The following RBMS3 variants were observed in gnomAD, a reference collection of about 807,000 sequenced individuals.
The protein encoded by RBMS3 is RNA-binding motif, single-stranded-interacting protein 3.
A neutral mutation model predicts 66.8 loss-of-function variants in RBMS3; 27 were observed. That is an observed-to-expected ratio of 0.40 (90% CI 0.30 to 0.56). The LOEUF is 0.56. Ranked by LOEUF, RBMS3 falls within the 20% of genes least tolerant of loss-of-function variation. RBMS3 has a pLI of 0.40. For missense variants in RBMS3, 513 were observed against 549.5 expected (o/e 0.93, Z 0.66); for synonymous variants, 188 against 183.0 (o/e 1.03, Z -0.22).
intron 6 of RBMS3, among the ~76,000 whole-genome samples, chr3:29,808,691 T>A (rs1014277777): frequency 1.3e-5 from 2 of 151,948 alleles, no homozygotes; most frequent in South Asian, 4.1e-4. Flanking sequence ...GTTAAACTCT[T>A]AAAACATTAC....
intron 1 of RBMS3, among the ~76,000 whole-genome samples, chr3:29,363,263 G>T (rs147933886): frequency 1.3e-5 from 2 of 152,284 alleles, no homozygotes; most frequent in African/African-American, 2.4e-5. Flanking sequence ...TGCCTGGGAA[G>T]AATTGAAACT....
intron 3 of RBMS3, among the ~76,000 whole-genome samples, chr3:29,536,114 C>T (rs980852392): frequency 6.6e-6 from 1 of 152,088 alleles, no homozygotes; most frequent in African/African-American, 2.4e-5. Flanking sequence ...GGTGGGTACT[C>T]TCAAACTATT....
chr3:29,619,495 G>A (rs1366402108), intron 4 of RBMS3, among the ~76,000 whole-genome samples: 3 of 152,146 alleles, frequency 2.0e-5, no homozygotes, highest in Non-Finnish European at 4.4e-5. Flanking sequence ...TAGGCATGTA[G>A]TTGGGAGATC....
intron 3 of RBMS3, among the ~76,000 whole-genome samples, chr3:29,504,223 G>A (rs762334254): frequency 3.0e-4 from 45 of 152,162 alleles, no homozygotes; most frequent in Non-Finnish European, 5.1e-4. Flanking sequence ...CAGTTAGTAG[G>A]GGAAAAAAAT....
intron 3 of RBMS3, among the ~76,000 whole-genome samples, chr3:29,555,033 T>C (rs2046303864): frequency 6.6e-6 from 1 of 152,210 alleles, no homozygotes; most frequent in Non-Finnish European, 1.5e-5. Context: ...ATTCTTTTAT[T>C]TTTTGTTCTT....
intron 3 of RBMS3, among the ~76,000 whole-genome samples, chr3:29,492,551 A>C (rs1167893368): frequency 6.6e-6 from 1 of 152,188 alleles, no homozygotes; most frequent in Non-Finnish European, 1.5e-5. Context: ...AAATAATGGG[A>C]TGGGAAATGA....
At chr3:29,759,692 A>C (rs571077851) in intron 5 of RBMS3, among the ~76,000 whole-genome samples, 23 of 141,880 alleles carry the variant, frequency 1.6e-4, no homozygotes, top group Non-Finnish European at 3.1e-4. Context: ...TAAGATGGCT[A>C]TTCAAATATA....
intron 1 of RBMS3, among the ~76,000 whole-genome samples, chr3:29,406,326 G>C (rs2040015174): frequency 1.3e-5 from 2 of 152,130 alleles, no homozygotes; most frequent in African/African-American, 4.8e-5. Context: ...TACACGGTGG[G>C]ATGATATTTT....
chr3:29,832,588 A>G (rs931692295), intron 6 of RBMS3, among the ~76,000 whole-genome samples: 2 of 152,136 alleles, frequency 1.3e-5, no homozygotes, highest in South Asian at 2.1e-4. Flanking sequence ...AATTTTTCCC[A>G]TACGTAAAAA....
chr3:29,574,009 G>A (rs1037999276), intron 3 of RBMS3, among the ~76,000 whole-genome samples: 1 of 152,154 alleles, frequency 6.6e-6, no homozygotes, highest in African/African-American at 2.4e-5. Flanking sequence ...TGATCCACAT[G>A]ATGAGGAGAA....
chr3:29,670,940 C>T (rs1232986518), intron 4 of RBMS3, among the ~76,000 whole-genome samples: 3 of 152,324 alleles, frequency 2.0e-5, no homozygotes, highest in African/African-American at 4.8e-5. Context: ...TGAGAATGGA[C>T]AGACTGCCTC....
chr3:29,767,029 C>G (rs1404907861), intron 6 of RBMS3: 1 of 151,932 alleles, frequency 6.6e-6, no homozygotes, highest in Non-Finnish European at 1.5e-5. Context: ...CTGCCTAACC[C>G]CAGACATTTC....
intron 1 of RBMS3, among the ~76,000 whole-genome samples, chr3:29,284,354 T>C (rs1018481388): frequency 2.0e-5 from 3 of 152,166 alleles, no homozygotes; most frequent in Admixed American, 6.5e-5. Flanking sequence ...GGCTATTTAC[T>C]ATCATTAGTT....
chr3:29,680,008 C>T (rs1403747275), intron 4 of RBMS3, among the ~76,000 whole-genome samples: 2 of 151,994 alleles, frequency 1.3e-5, no homozygotes, highest in Non-Finnish European at 2.9e-5. Context: ...GATAAAATAC[C>T]TTTGTGTTGC....
chr3:29,963,904 A>T (rs1425739776), intron 12 of RBMS3, among the ~76,000 whole-genome samples: 1 of 152,016 alleles, frequency 6.6e-6, no homozygotes, highest in Non-Finnish European at 1.5e-5. Flanking sequence ...GAAGGAGGAC[A>T]AGAGAAAAAG....
chr3:29,422,247 A>G (rs62236871), intron 1 of RBMS3, among the ~76,000 whole-genome samples: 25,819 of 152,138 alleles, frequency 0.17, 2,268 homozygotes, highest in African/African-American at 0.21. Flanking sequence ...TATGAAGAGT[A>G]TACCAATCAA....
At chr3:29,972,335 T>C (rs1367853290) in intron 12 of RBMS3, among the ~76,000 whole-genome samples, 1 of 152,092 alleles carries the variant, frequency 6.6e-6, no homozygotes, top group Admixed American at 6.6e-5. Flanking sequence ...CCTCTAAATA[T>C]GCACAGTTCC....
At chr3:29,899,989 T>TGAGA (rs10680172) in intron 10 of RBMS3, among the ~76,000 whole-genome samples, 10 of 147,516 alleles carry the variant, frequency 6.8e-5, no homozygotes, top group African/African-American at 2.5e-4. Flanking sequence ...AGCAAGAGAG[T>TGAGA]GAGAGAGAGA....
intron 2 of RBMS3, among the ~76,000 whole-genome samples, chr3:29,444,788 C>CT (rs558839351): frequency 0.082 from 4,125 of 50,228 alleles, 906 homozygotes; most frequent in African/African-American, 0.18. Flanking sequence ...AAATATATGC[C>CT]TTTTTTTTTT....
Sources: gnomAD v4.1 joint callset for allele counts (sites outside exome capture counted in the v4.1 genomes callset) on GRCh38, gnomAD v4.1.1 for gene constraint, MANE v1.5 for transcripts, NCBI Gene and HGNC (gene_info 2026-07-23, HGNC 2026-07-21) for gene names.